HTRA1: variants seen among roughly 807,000 people sequenced by gnomAD.
HTRA1 encodes serine protease HTRA1.
Under a neutral mutation model 49.7 loss-of-function variants are expected in HTRA1, and 26 were observed. That is an observed-to-expected ratio of 0.52 (90% confidence interval 0.38 to 0.73). The LOEUF (loss-of-function observed/expected upper bound fraction) is 0.73, where lower values mean the gene tolerates loss of function less well. Ranked by LOEUF, HTRA1 falls within the 30% of genes least tolerant of loss-of-function variation. The pLI is 0.00. For missense variants in HTRA1, 561 were observed against 667.2 expected (o/e 0.84, Z 1.75); for synonymous variants, 291 against 286.9 (o/e 1.01, Z -0.14).
intron 1 of HTRA1, among the ~76,000 whole-genome samples, chr10:122,463,060 C>T (rs2097482263): frequency 6.6e-6 from 1 of 152,266 alleles, no homozygotes; most frequent in Non-Finnish European, 1.5e-5. Flanking sequence ...GTTGTAGGAA[C>T]CAGACAGCGG....
At chr10:122,510,441 G>C (rs942722980) in intron 7 of HTRA1, among the ~76,000 whole-genome samples, 2 of 152,090 alleles carry the variant, frequency 1.3e-5, no homozygotes, top group East Asian at 3.9e-4. Flanking sequence ...CAGTGTGTGC[G>C]TGGTGGGGCT....
rs953845694 is a variant in HTRA1 at position 122,487,630 on chromosome 10, C to T, written c.473-1272C>T. The stretch of plus-strand genomic sequence containing the variant: ...CATGCATCACTGAGCAACAGGGATA[C>T]GTTCTGAGAAATGCGTCGTTAGGCG... On this transcript the variant is annotated intron_variant, in intron 1 of 8. Transcript: ENST00000368984. The surrounding 1 kb of genome is among the most constrained non-coding windows in gnomAD (Gnocchi z 4.8). Among the ~76,000 whole-genome samples, 8 of 152,162 alleles carry T rather than the reference C, an allele frequency of 5.3e-5. No individual in the cohort carries two copies. Among genetic ancestry groups the T allele is most frequent in the East Asian group, 3.9e-4 (2 of 5,186 alleles).
In HTRA1 at chr10:122,482,994, A is replaced by G. The variant is rs117539567; in HGVS notation, c.473-5908A>G. Among the ~76,000 whole-genome samples the G allele has an allele frequency of 3.8e-3, 570 of 151,384 alleles. 7 individuals are homozygous for G. The East Asian group carries it at 0.052, about 14-fold the overall frequency. On this transcript the variant is annotated intron_variant, in intron 1 of 8. Coordinates refer to ENST00000368984, the MANE Select transcript of HTRA1 (RefSeq NM_002775.5). ...TTGAGAGAAACACAGATAAAAGCCTATCCTTTAATTCATACTCCCCATACT... is the reference window on the plus strand; with the variant it reads ...TTGAGAGAAACACAGATAAAAGCCTGTCCTTTAATTCATACTCCCCATACT...
intron 1 of HTRA1, 127 bp downstream of exon 1, chr10:122,462,251 A>T (rs1591022226): frequency 1.2e-6 from 1 of 835,606 alleles, no homozygotes; most frequent in East Asian, 2.9e-5. Context: ...ACTCTCGGGG[A>T]CAGGCAGGTG....
In HTRA1 at chr10:122,488,893, T is replaced by C. The variant is rs1477219994; in HGVS notation, c.473-9T>C. On this transcript the variant is annotated splice_polypyrimidine_tract_variant and intron_variant, in intron 1 of 8. Coordinates refer to ENST00000368984, the MANE Select transcript of HTRA1 (RefSeq NM_002775.5). ...TCATTAAGTATCTATTCTTTGCTTT[T>C]GTTCTCAGGGCAGGAAGATCCCAAC... 1.2e-6 allele frequency: 2 copies of C among 1,611,548 alleles called. No individual in the cohort carries two copies. Among genetic ancestry groups the C allele is most frequent in the Admixed American group, 1.7e-5 (1 of 60,020 alleles).
rs1410282111 is a variant in HTRA1 at position 122,506,664 on chromosome 10, C to T, written c.778-27C>T. 3.7e-6 allele frequency: 6 copies of T among 1,602,414 alleles called. No homozygotes were observed. The highest frequency in any genetic ancestry group is 5.1e-6 in the Non-Finnish European group (6 of 1,174,142). ...CCTATTTGGTTAAATTAAACCAACT[C>T]AGCAACGCCAGCCATTGTGGTTTCA... On this transcript the variant is annotated intron_variant, in intron 3 of 8. Coordinates refer to ENST00000368984, the MANE Select transcript of HTRA1 (RefSeq NM_002775.5). The surrounding 1 kb of genome is among the most constrained non-coding windows in gnomAD (Gnocchi z 5.2).
At chr10:122,486,413 A>G (rs1452346973) in intron 1 of HTRA1, among the ~76,000 whole-genome samples, 3 of 152,228 alleles carry the variant, frequency 2.0e-5, no homozygotes, top group African/African-American at 7.2e-5. Flanking sequence ...TTAGAAAAAA[A>G]CCATGCTATG....
Position 122,514,889 on chromosome 10 carries a change from A to C in HTRA1, c.*530A>C. On this transcript the variant is annotated 3_prime_UTR_variant, in exon 9 of 9. Coordinates refer to ENST00000368984, the MANE Select transcript of HTRA1 (RefSeq NM_002775.5). ...CGATGACTCTGAGTTTGAGCTATTA[A>C]AGTACTTCTTACACATTGCTTTCTG... The C allele has an allele frequency of 5.4e-6, 1 of 186,858 alleles. No homozygotes were observed. Among genetic ancestry groups the C allele is most frequent in the Non-Finnish European group, 1.1e-5 (1 of 88,648 alleles). 11.6% of individuals were successfully genotyped at this position (186,858 alleles called of 1,614,324 possible).
In HTRA1 at chr10:122,490,098, G is replaced by A. The variant is rs960582805; in HGVS notation, c.777+472G>A. On this transcript the variant is annotated intron_variant, in intron 3 of 8. Transcript: ENST00000368984. The surrounding 1 kb of genome is among the most constrained non-coding windows in gnomAD (Gnocchi z 4.2). ...CAGCTCTCCCAAATTGGGGTTTTGC[G>A]GGGTTATGAGATGTGTTTCAAAAGA... Among the ~76,000 whole-genome samples the A allele has an allele frequency of 7.2e-5, 11 of 152,134 alleles. No homozygotes were observed. Among genetic ancestry groups the A allele is most frequent in the Admixed American group, 3.3e-4 (5 of 15,272 alleles).
At chr10:122,465,325 G>A (rs1359150381) in intron 1 of HTRA1, among the ~76,000 whole-genome samples, 3 of 152,130 alleles carry the variant, frequency 2.0e-5, no homozygotes, top group African/African-American at 7.2e-5. Flanking sequence ...ATACTAATAG[G>A]GTACTAATAA....
rs149810484 is a variant in HTRA1, at chr10:122,494,326, C to G, written c.777+4700C>G. Among the ~76,000 whole-genome samples the G allele has an allele frequency of 2.9e-3, 446 of 152,254 alleles. 2 individuals are homozygous for G. The highest frequency in any genetic ancestry group is 0.01 in the African/African-American group (424 of 41,552). ...CTGCCCCGGAGGAAGCAAGGGCACCCGCCACATGGATGGAATTGAGGGGAA... is the reference window on the plus strand; with the variant it reads ...CTGCCCCGGAGGAAGCAAGGGCACCGGCCACATGGATGGAATTGAGGGGAA... On this transcript the variant is annotated intron_variant, in intron 3 of 8. Transcript: ENST00000368984. The surrounding 1 kb of genome is among the most constrained non-coding windows in gnomAD (Gnocchi z 4.0).
At chr10:122,510,817 T>G (rs138216898) in intron 7 of HTRA1, among the ~76,000 whole-genome samples, 254 of 152,346 alleles carry the variant, frequency 1.7e-3, no homozygotes, top group African/African-American at 5.5e-3. Flanking sequence ...GATAGATTAA[T>G]GTGTTCATTA....
At chr10:122,482,503 A>T (rs2097491430) in intron 1 of HTRA1, among the ~76,000 whole-genome samples, 1 of 152,182 alleles carries the variant, frequency 6.6e-6, no homozygotes, top group South Asian at 2.1e-4. Context: ...CTTGGGGCAC[A>T]CTATGGGAAC....
At chr10:122,483,756 C>T (rs577692154) in intron 1 of HTRA1, among the ~76,000 whole-genome samples, 3 of 152,174 alleles carry the variant, frequency 2.0e-5, no homozygotes, top group African/African-American at 4.8e-5. Flanking sequence ...ATTTTGATAG[C>T]GTTTTGTAGC....
At chr10:122,468,617 T>C (rs1480430623) in intron 1 of HTRA1, among the ~76,000 whole-genome samples, 1 of 152,174 alleles carries the variant, frequency 6.6e-6, no homozygotes, top group Admixed American at 6.5e-5. Flanking sequence ...TGGAAAAGGT[T>C]CTCTGGGCAG....
chr10:122,471,060 G>A lies in HTRA1; in HGVS notation c.472+8936G>A, dbSNP rs1244407799. On this transcript the variant is annotated intron_variant, in intron 1 of 8. Transcript: ENST00000368984. ...GCAAACAGCCGTCTCTGCCTGCACC[G>A]TGGAGAGCACACGCTCCTCCTGGGG... Among the ~76,000 whole-genome samples, 6 of 152,132 alleles carry A rather than the reference G, an allele frequency of 3.9e-5. No individual in the cohort carries two copies. In the South Asian group the frequency reaches 6.2e-4, roughly 16 times the overall value.
Position 122,488,881 on chromosome 10 carries a change from ATTC to A in HTRA1, c.473-18_473-16del, listed in dbSNP as rs762273679. ...CACAGCAGAGTGTCATTAAGTATCTATTCTTTGCTTTTGTTCTCAGGGCAGGAA... is the reference window on the plus strand; with the variant it reads ...CACAGCAGAGTGTCATTAAGTATCTATTTGCTTTTGTTCTCAGGGCAGGAA... On this transcript the variant is annotated intron_variant, in intron 1 of 8. Coordinates refer to ENST00000368984, the MANE Select transcript of HTRA1 (RefSeq NM_002775.5). 9.4e-6 allele frequency: 15 copies of A among 1,592,364 alleles called. No individual in the cohort carries two copies. The highest frequency in any genetic ancestry group is 1.3e-5 in the Non-Finnish European group (15 of 1,160,358).
chr10:122,479,409 T>G (rs1482791215), intron 1 of HTRA1, among the ~76,000 whole-genome samples: 1 of 152,208 alleles, frequency 6.6e-6, no homozygotes, highest in Non-Finnish European at 1.5e-5. Flanking sequence ...CCTTGTTTTT[T>G]TCATCTTTCT....
chr10:122,495,085 C>T (rs112561565), intron 3 of HTRA1, among the ~76,000 whole-genome samples: 2,045 of 152,176 alleles, frequency 0.013, 48 homozygotes, highest in African/African-American at 0.047. Flanking sequence ...GGCCTGAGCT[C>T]GTCCAAAAGC....
Sources: gnomAD v4.1 joint callset for allele counts (sites outside exome capture counted in the v4.1 genomes callset) on GRCh38, gnomAD v4.1.1 for gene constraint, Gnocchi (gnomAD v3.1) non-coding constraint, MANE v1.5 for transcripts, NCBI Gene and HGNC (gene_info 2026-07-23, HGNC 2026-07-21) for gene names.